Variants in PDE10A observed in about 807,000 individuals in gnomAD.
PDE10A encodes cAMP and cAMP-inhibited cGMP 3',5'-cyclic phosphodiesterase 10A.
PDE10A carries 39 observed loss-of-function variants against 97.7 expected under a neutral mutation model. The observed-to-expected ratio is 0.40, with a 90% CI of 0.31 to 0.52. The LOEUF is 0.52. Ranked by LOEUF, PDE10A falls within the 20% of genes least tolerant of loss-of-function variation. PDE10A has a pLI of 0.56. For missense variants in PDE10A, 731 were observed against 1,047.8 expected (o/e 0.70, Z 4.17); for synonymous variants, 371 against 376.8 (o/e 0.98, Z 0.18).
At chr6:165,979,777 T>C (rs906838846) in intron 1 of PDE10A, among the ~76,000 whole-genome samples, 1 of 152,192 alleles carries the variant, frequency 6.6e-6, no homozygotes, top group African/African-American at 2.4e-5. Flanking sequence ...TCGAAATATA[T>C]AAAATGTGCG....
At chr6:165,753,969 G>A (rs1449569282) in intron 1 of PDE10A, among the ~76,000 whole-genome samples, 2 of 152,112 alleles carry the variant, frequency 1.3e-5, no homozygotes, top group East Asian at 3.9e-4. Context: ...ATGTAGGCAA[G>A]GTATTCATCA....
intron 1 of PDE10A, among the ~76,000 whole-genome samples, chr6:165,579,575 A>G (rs1195735775): frequency 1.3e-5 from 2 of 152,156 alleles, no homozygotes; most frequent in African/African-American, 2.4e-5. Flanking sequence ...AACACCATCA[A>G]TTCCAGCCAC....
At chr6:165,395,081 A>C (rs1321605127) in intron 15 of PDE10A, 100 bp downstream of exon 15, 3 of 685,064 alleles carry the variant, frequency 4.4e-6, no homozygotes, top group Non-Finnish European at 5.1e-6. Flanking sequence ...AGTATTTAAA[A>C]ATAATTACAA....
At chr6:165,844,514 A>G (rs908638197) in intron 1 of PDE10A, among the ~76,000 whole-genome samples, 14 of 152,232 alleles carry the variant, frequency 9.2e-5, no homozygotes, top group African/African-American at 2.4e-4. Context: ...GGCAGTACTT[A>G]ACACCCTCTA....
intron 1 of PDE10A, among the ~76,000 whole-genome samples, chr6:165,675,650 C>T (rs1790773915): frequency 6.6e-6 from 1 of 152,176 alleles, no homozygotes; most frequent in South Asian, 2.1e-4. Flanking sequence ...ATTGTTGTTG[C>T]TGAGGGATTT....
At chr6:165,840,527 G>A (rs1780230817) in intron 1 of PDE10A, among the ~76,000 whole-genome samples, 1 of 152,100 alleles carries the variant, frequency 6.6e-6, no homozygotes, top group Non-Finnish European at 1.5e-5. Flanking sequence ...ACATGACTGG[G>A]CACTTGAAGG....
chr6:165,375,839 T>A (rs1057218803), intron 18 of PDE10A, among the ~76,000 whole-genome samples: 1 of 152,208 alleles, frequency 6.6e-6, no homozygotes, highest in African/African-American at 2.4e-5. Flanking sequence ...GCTCTATAAA[T>A]GGAACAACAA....
rs1041592947 is a variant in PDE10A at position 165,796,384 on chromosome 6, C to T, written c.-615+191145G>A. Among the ~76,000 whole-genome samples, 12 of 152,260 alleles carry T rather than the reference C, an allele frequency of 7.9e-5. No individual in the cohort carries two copies. In the South Asian group the frequency reaches 1.2e-3, roughly 16 times the overall value. Reference sequence around the variant, plus strand: ...TATAGGCGTGAGCCACCGCACCTGGCCTGCACATCTTTTCTCAGTCACTGG... The same window carrying T: ...TATAGGCGTGAGCCACCGCACCTGGTCTGCACATCTTTTCTCAGTCACTGG... On this transcript the variant is annotated intron_variant, in intron 1 of 19. Transcript: ENST00000366882.
chr6:165,504,213 A>G (rs1291258177), intron 2 of PDE10A, among the ~76,000 whole-genome samples: 7 of 152,162 alleles, frequency 4.6e-5, no homozygotes, highest in Non-Finnish European at 8.8e-5. Flanking sequence ...GGAAAATTTG[A>G]GAAGATAACC....
chr6:165,438,857 C>A (rs1386506124), intron 5 of PDE10A, among the ~76,000 whole-genome samples: 1 of 150,956 alleles, frequency 6.6e-6, no homozygotes, highest in Non-Finnish European at 1.5e-5. Context: ...ACTCAGGAGG[C>A]CGAGGTGGGA....
intron 1 of PDE10A, among the ~76,000 whole-genome samples, chr6:165,745,192 A>C (rs1229150754): frequency 1.3e-5 from 2 of 152,154 alleles, no homozygotes; most frequent in Non-Finnish European, 2.9e-5. Flanking sequence ...CTCACATCAC[A>C]GCTGCTTTAT....
intron 1 of PDE10A, among the ~76,000 whole-genome samples, chr6:165,700,365 A>G (rs995711827): frequency 2.0e-5 from 3 of 152,194 alleles, no homozygotes; most frequent in Admixed American, 2.0e-4. Context: ...TTTCAAAGTA[A>G]TGAAACAGTT....
intron 2 of PDE10A, among the ~76,000 whole-genome samples, chr6:165,543,158 C>A (rs1429645832): frequency 6.6e-6 from 1 of 152,044 alleles, no homozygotes; most frequent in African/African-American, 2.4e-5. Context: ...TAAATAAAAT[C>A]AATTATAATA....
At chr6:165,798,351 C>T (rs1778882869) in intron 1 of PDE10A, among the ~76,000 whole-genome samples, 3 of 152,240 alleles carry the variant, frequency 2.0e-5, no homozygotes, top group African/African-American at 7.2e-5. Context: ...AGGATAGGAA[C>T]TCAGCAGGGC....
chr6:165,943,708 T>C (rs1215677619), intron 1 of PDE10A, among the ~76,000 whole-genome samples: 1 of 152,258 alleles, frequency 6.6e-6, no homozygotes, highest in East Asian at 1.9e-4. Context: ...GCCATGTTGG[T>C]GAAGAAGGAT....
At chr6:165,646,155 C>A (rs1287793107) in intron 1 of PDE10A, among the ~76,000 whole-genome samples, 1 of 152,186 alleles carries the variant, frequency 6.6e-6, no homozygotes, top group Admixed American at 6.5e-5. Flanking sequence ...AGCTCTGTCC[C>A]CACCCCGGAG....
intron 1 of PDE10A, among the ~76,000 whole-genome samples, chr6:165,559,132 G>A (rs1224529096): frequency 3.3e-5 from 5 of 152,192 alleles, no homozygotes; most frequent in Non-Finnish European, 7.3e-5. Context: ...AATTGACCAG[G>A]CAGTTATGCT....
At chr6:165,583,089 T>C (rs1474802195) in intron 1 of PDE10A, among the ~76,000 whole-genome samples, 1 of 152,230 alleles carries the variant, frequency 6.6e-6, no homozygotes, top group Non-Finnish European at 1.5e-5. Flanking sequence ...GAATGCCTAC[T>C]ATGTGCGGGG....
At chr6:165,550,508 C>T (rs745861845) in intron 1 of PDE10A, among the ~76,000 whole-genome samples, 20 of 152,124 alleles carry the variant, frequency 1.3e-4, no homozygotes, top group Non-Finnish European at 2.5e-4. Flanking sequence ...ACAGCTTGAA[C>T]TGTGAGGGGG....
Sources: gnomAD v4.1 joint callset for allele counts (sites outside exome capture counted in the v4.1 genomes callset) on GRCh38, gnomAD v4.1.1 for gene constraint, MANE v1.5 for transcripts, NCBI Gene and HGNC (gene_info 2026-07-23, HGNC 2026-07-21) for gene names.